The following OTOF variants were observed in gnomAD, a reference collection of about 807,000 sequenced individuals.
OTOF encodes the protein otoferlin.
A neutral mutation model predicts 236.8 loss-of-function variants in OTOF; 218 were observed. The ratio of observed to expected loss-of-function variants is 0.92; its 90% CI spans 0.82 to 1.03. The LOEUF is 1.03. Among genes scored for constraint, OTOF ranks in the 50% least tolerant of loss-of-function variants. The pLI is 0.00. For synonymous variants in OTOF, 1,041 were observed against 1,072.5 expected (o/e 0.97, Z 0.57); for missense variants, 2,590 against 2,694.4 (o/e 0.96, Z 0.86).
rs1325136807 is a variant in OTOF, at chr2:26,463,455, G to A, written c.5192+28C>T. 6.5e-6 allele frequency: 10 copies of A among 1,544,658 alleles called. No individual in the cohort carries two copies. The South Asian group carries it at 1.1e-4, about 16-fold the overall frequency. On this transcript the variant is annotated intron_variant, in intron 41 of 46. Coordinates refer to ENST00000272371, the MANE Select transcript of OTOF (RefSeq NM_194248.3). ...GAAGTGGGTGGGGTGGGCCGGAAGG[G>A]AGTAGCGCTGGGCCCCAGGCCGCTC...
intron 5 of OTOF, among the ~76,000 whole-genome samples, chr2:26,515,205 G>A (rs890821251): frequency 1.3e-5 from 2 of 152,248 alleles, no homozygotes; most frequent in Non-Finnish European, 2.9e-5. Flanking sequence ...CACACGACTA[G>A]TAAGAGGCAG....
At chr2:26,491,784 G>A (rs189436573) in intron 9 of OTOF, among the ~76,000 whole-genome samples, 8 of 152,378 alleles carry the variant, frequency 5.3e-5, no homozygotes, top group African/African-American at 1.7e-4. Flanking sequence ...GCAGGCTCAG[G>A]GCCAGGCAGG....
At chr2:26,482,880 G>A (rs961093959) in intron 13 of OTOF, among the ~76,000 whole-genome samples, 1 of 143,962 alleles carries the variant, frequency 6.9e-6, no homozygotes, top group African/African-American at 2.6e-5. Context: ...TGTGTGAGTG[G>A]TTGCATGTGT....
chr2:26,502,155 G>T, intron 7 of OTOF, 145 bp downstream of exon 7: 1 of 874,286 alleles, frequency 1.1e-6, no homozygotes. Flanking sequence ...AAACACCCAA[G>T]GAAAAGCAGA....
chr2:26,551,792 T>C (rs113237516), intron 1 of OTOF, among the ~76,000 whole-genome samples: 9 of 152,370 alleles, frequency 5.9e-5, no homozygotes, highest in African/African-American at 2.2e-4. Context: ...ATTTGATGAC[T>C]GCCTGATTAG....
chr2:26,523,452 T>C (rs1666728018), intron 3 of OTOF, among the ~76,000 whole-genome samples: 2 of 152,304 alleles, frequency 1.3e-5, no homozygotes, highest in South Asian at 4.1e-4. Flanking sequence ...CTCTCTGAGA[T>C]GGCAGTGATG....
At chr2:26,459,151 C>A (rs1226863424) in intron 46 of OTOF, among the ~76,000 whole-genome samples, 1 of 152,356 alleles carries the variant, frequency 6.6e-6, no homozygotes, top group African/African-American at 2.4e-5. Context: ...CAGCCCTGGA[C>A]TGGGAGGTCA....
chr2:26,558,345 A>C lies in OTOF; in HGVS notation c.79+148T>G, dbSNP rs1667648012. ...ATGGCCAGTCAGTCCCAGGCAGATG[A>C]CTACCTGTGAAAAGGCTCGTCGCCC... On this transcript the variant is annotated intron_variant, in intron 1 of 46. Transcript: ENST00000272371. 5 of 708,282 alleles carry C rather than the reference A, an allele frequency of 7.1e-6. No individual in the cohort carries two copies. The Admixed American group carries it at 1.0e-4, about 14-fold the overall frequency. 43.9% of individuals were successfully genotyped at this position (708,282 alleles called of 1,614,324 possible).
At position 26,537,793 on chromosome 2, in the gene OTOF, TA is replaced by T; in HGVS notation, c.80-20del. 6.5e-7 allele frequency: 1 copy of T among 1,541,934 alleles called. No individual in the cohort carries two copies. The highest frequency in any genetic ancestry group is 8.8e-7 in the Non-Finnish European group (1 of 1,138,096). On this transcript the variant is annotated intron_variant, in intron 1 of 46. Transcript: ENST00000272371. ...GATTGCCCTGTGGGGAAAGAGGAAA[TA>T]AATTCTAGGGTCAGAGCTGTCCAGA...
At position 26,461,955 on chromosome 2, in the gene OTOF, C is replaced by G; in HGVS notation, c.5292-18G>C. The G allele has an allele frequency of 6.2e-7, 1 of 1,613,976 alleles. No homozygotes were observed. Among genetic ancestry groups the G allele is most frequent in the Non-Finnish European group, 8.5e-7 (1 of 1,179,970 alleles). On this transcript the variant is annotated intron_variant, in intron 42 of 46. Coordinates refer to ENST00000272371, the MANE Select transcript of OTOF (RefSeq NM_194248.3). This position sits in a 1 kb window ranked among gnomAD's most constrained non-coding sequence, Gnocchi z 6.2. ...TCAGCCACCTGTGGGCGCCACATCTCCAGACCCGCAGCCAGGCTGGTGGGG... is the reference window on the plus strand; with the variant it reads ...TCAGCCACCTGTGGGCGCCACATCTGCAGACCCGCAGCCAGGCTGGTGGGG...
intron 3 of OTOF, among the ~76,000 whole-genome samples, chr2:26,521,059 T>G (rs998847541): frequency 2.0e-5 from 3 of 152,282 alleles, no homozygotes; most frequent in Non-Finnish European, 2.9e-5. Context: ...GTCACCAAAC[T>G]GGGTCCACCG....
chr2:26,490,086 TTCTTAAC>T (rs1021614390), intron 9 of OTOF, among the ~76,000 whole-genome samples: 15 of 152,234 alleles, frequency 9.9e-5, no homozygotes, highest in South Asian at 4.1e-4. Flanking sequence ...GCTCTGCACC[TTCTTAAC>T]TGTGTGGCCT....
rs759001130 is a variant in OTOF, at chr2:26,462,090, C to T, written c.5284G>A (p.Val1762Met). 11 of 1,611,486 alleles carry T rather than the reference C, an allele frequency of 6.8e-6. No individual in the cohort carries two copies. Among genetic ancestry groups the T allele is most frequent in the Admixed American group, 3.3e-5 (2 of 59,978 alleles). The change falls in exon 42 of 47, where the codon GTG becomes ATG. Residue 1762 changes from valine (V) to methionine (M), a missense_variant. Physicochemically the swap from Val to Met is conservative, Grantham distance 21. Around this residue, in one of 2 missense-constraint regions of OTOF, gnomAD observed 1,211 missense variants for 1,352.8 expected, o/e 0.90. Transcript: ENST00000272371. This position sits in a 1 kb window ranked among gnomAD's most constrained non-coding sequence, Gnocchi z 4.7. Reference sequence around the variant, plus strand: ...CAGGGACTGCTCACCCACCCCCTCACGAAGATGTCACTGGACTTCTCCCCT... The same window carrying T: ...CAGGGACTGCTCACCCACCCCCTCATGAAGATGTCACTGGACTTCTCCCCT... ...FTGEKSSDIF[V>M]RGWLKGQQED...
At chr2:26,482,750 T>G (rs1189008583) in intron 13 of OTOF, among the ~76,000 whole-genome samples, 158 bp from the exon 14 acceptor site, 4 of 147,518 alleles carry the variant, frequency 2.7e-5, no homozygotes, top group African/African-American at 1.0e-4. Flanking sequence ...TGTGCGTGTG[T>G]GAGTGGGTGC....
intron 4 of OTOF, 125 bp downstream of exon 4, chr2:26,518,885 C>T: frequency 1.3e-6 from 1 of 746,484 alleles, no homozygotes; most frequent in South Asian, 1.5e-5. Flanking sequence ...TGAGTCTCCT[C>T]CTCCTGCGAC....
intron 5 of OTOF, among the ~76,000 whole-genome samples, chr2:26,510,996 A>G (rs76693171): frequency 0.024 from 3,686 of 152,310 alleles, 137 homozygotes; most frequent in African/African-American, 0.084. Context: ...GGTGGCCACT[A>G]TTCCAACCCC....
At chr2:26,513,055 G>A (rs1666428697) in intron 5 of OTOF, among the ~76,000 whole-genome samples, 1 of 152,176 alleles carries the variant, frequency 6.6e-6, no homozygotes, top group African/African-American at 2.4e-5. Context: ...CTAGAGAAGT[G>A]GGCAGAGTGG....
intron 5 of OTOF, among the ~76,000 whole-genome samples, chr2:26,512,562 A>G (rs993206507): frequency 3.9e-5 from 6 of 152,170 alleles, no homozygotes; most frequent in Admixed American, 3.9e-4. Context: ...TTAGGGATTC[A>G]TTACATCTCT....
intron 1 of OTOF, among the ~76,000 whole-genome samples, chr2:26,544,949 G>A (rs917593096): frequency 2.4e-4 from 37 of 151,766 alleles, no homozygotes; most frequent in African/African-American, 9.0e-4. Flanking sequence ...GCTGAAGCAG[G>A]AGAATCGCTT....
Sources: allele counts gnomAD v4.1 joint callset (sites outside exome capture counted in the v4.1 genomes callset), GRCh38; gene constraint gnomAD v4.1.1; regional missense constraint gnomAD v4.1.1; non-coding constraint Gnocchi (gnomAD v3.1); transcripts MANE v1.5; gene names NCBI Gene and HGNC (gene_info 2026-07-23, HGNC 2026-07-21).